Variants in TUBB1 observed in about 807,000 individuals in gnomAD.
TUBB1 encodes tubulin beta 1 class VI.
TUBB1 carries 28 observed loss-of-function variants against 22.6 expected under a neutral mutation model. That is an observed-to-expected ratio of 1.24 (90% CI 0.92 to 1.70). The LOEUF (loss-of-function observed/expected upper bound fraction) is 1.70, where lower values mean the gene tolerates loss of function less well. Ranked by LOEUF, TUBB1 falls within the 40% of genes most tolerant of loss-of-function variation. The pLI is 0.00. For synonymous variants in TUBB1, 226 were observed against 238.0 expected (o/e 0.95, Z 0.46); for missense variants, 577 against 605.5 (o/e 0.95, Z 0.49).
chr20:59,020,165 C>T (rs1182614029), intron 1 of TUBB1, among the ~76,000 whole-genome samples: 1 of 152,090 alleles, frequency 6.6e-6, no homozygotes, highest in Non-Finnish European at 1.5e-5. Context: ...AGGTGTAGGC[C>T]ACCGTGCCTG....
chr20:59,023,798 G>A lies in TUBB1; in HGVS notation c.371G>A (p.Ser124Asn), dbSNP rs2091979399. 1.9e-6 allele frequency: 3 copies of A among 1,614,106 alleles called. No homozygotes were observed. Among genetic ancestry groups the A allele is most frequent in the South Asian group, 1.1e-5 (1 of 91,090 alleles). Residue 124 changes from serine to asparagine, a missense_variant, in exon 4 of 4, where the codon AGT (serine) becomes AAT (asparagine). Ser to Asn is a conservative substitution (Grantham distance 46). Coordinates refer to ENST00000217133, the MANE Select transcript of TUBB1 (RefSeq NM_030773.4). ...GTCCTAGAGGTGGTGAGGCACGAGAGTGAGAGCTGTGACTGCCTGCAGGGC... is the reference window on the plus strand; with the variant it reads ...GTCCTAGAGGTGGTGAGGCACGAGAATGAGAGCTGTGACTGCCTGCAGGGC... ...ENVLEVVRHESESCDCLQGFQ... is the reference protein window; with the variant it reads ...ENVLEVVRHENESCDCLQGFQ...
Position 59,024,014 on chromosome 20 carries a change from C to G in TUBB1, c.587C>G (p.Ala196Gly), listed in dbSNP as rs371592365. 5 of 1,614,230 alleles carry G rather than the reference C, an allele frequency of 3.1e-6. No individual in the cohort carries two copies. The South Asian group carries it at 4.4e-5, about 14-fold the overall frequency. The change falls in exon 4 of 4, where the codon GCA (alanine) becomes GGA (glycine). Residue 196 changes from alanine to glycine, a missense_variant. Transcript: ENST00000217133. This position sits in a 1 kb window ranked among gnomAD's most constrained non-coding sequence, Gnocchi z 4.9. ...TCTATCCACCAGCTGATTGAGAATG[C>G]AGATGCCTGTTTCTGCATTGACAAT... ...VLSIHQLIENADACFCIDNEA... is the reference protein window; with the variant it reads ...VLSIHQLIENGDACFCIDNEA...
chr20:59,023,964 G>T lies in TUBB1; in HGVS notation c.537G>T (p.Val179=), dbSNP rs774133524. Residue 179 remains valine, a synonymous_variant, in exon 4 of 4, where the codon GTG becomes GTT. Coordinates refer to ENST00000217133, the MANE Select transcript of TUBB1 (RefSeq NM_030773.4). ...CTTCTCCCAAGGTGTCGGACACTGT[G>T]GTGGAGCCCTACAACGCGGTTCTGT... is the stretch of plus-strand genomic sequence containing the variant. ...VMPSPKVSDT[V]VEPYNAVLSI... The T allele has an allele frequency of 1.2e-6, 2 of 1,614,200 alleles. No individual in the cohort carries two copies. Among genetic ancestry groups the T allele is most frequent in the Non-Finnish European group, 1.7e-6 (2 of 1,180,022 alleles).
chr20:59,021,526 G>A (rs554204672), intron 1 of TUBB1, among the ~76,000 whole-genome samples: 1 of 152,256 alleles, frequency 6.6e-6, no homozygotes, highest in East Asian at 1.9e-4. Context: ...TTTAATATGT[G>A]CCTTTCAGGG....
chr20:59,023,953 T>C lies in TUBB1; in HGVS notation c.526T>C (p.Ser176Pro), dbSNP rs758446997. 19 of 1,614,168 alleles carry C rather than the reference T, an allele frequency of 1.2e-5. No individual in the cohort carries two copies. Among genetic ancestry groups the C allele is most frequent in the Non-Finnish European group, 1.6e-5 (19 of 1,180,022 alleles). The stretch of plus-strand genomic sequence containing the variant: ...CAGCGTCATGCCTTCTCCCAAGGTG[T>C]CGGACACTGTGGTGGAGCCCTACAA... ...SFSVMPSPKV[S>P]DTVVEPYNAV... Residue 176 changes from serine to proline, a missense_variant, in exon 4 of 4, where the codon TCG becomes CCG. Physicochemically the swap from Ser to Pro is moderately conservative, Grantham distance 74. Coordinates refer to ENST00000217133, the MANE Select transcript of TUBB1 (RefSeq NM_030773.4).
chr20:59,021,996 A>AAAAT (rs142257917), intron 1 of TUBB1, among the ~76,000 whole-genome samples: 1 of 149,876 alleles, frequency 6.7e-6, no homozygotes, highest in Non-Finnish European at 1.5e-5. Context: ...ACTCTGTCTC[A>AAAAT]AAATAAATAA....
chr20:59,022,127 G>C (rs1489437882), intron 1 of TUBB1, among the ~76,000 whole-genome samples: 1 of 152,160 alleles, frequency 6.6e-6, no homozygotes, highest in African/African-American at 2.4e-5. Context: ...ACAAGGTCAA[G>C]AGATAGAGAC....
At position 59,022,934 on chromosome 20, in the gene TUBB1, G is replaced by T. The variant is rs765313050; in HGVS notation, c.147G>T (p.Val49=). 1 of 1,613,932 alleles carries T rather than the reference G, an allele frequency of 6.2e-7. No individual in the cohort carries two copies. The highest frequency in any genetic ancestry group is 8.5e-7 in the Non-Finnish European group (1 of 1,180,012). The change falls in exon 2 of 4, where the codon GTG becomes GTT. Residue 49 remains valine (V), a synonymous_variant. Coordinates refer to ENST00000217133, the MANE Select transcript of TUBB1 (RefSeq NM_030773.4). ...ASALQLERIS[V]YYNEAYGRKY... ...CCTTGCAGCTGGAGAGAATCAGCGTGTACTACAACGAAGCCTACGGTAGGA... is the reference window on the plus strand; with the variant it reads ...CCTTGCAGCTGGAGAGAATCAGCGTTTACTACAACGAAGCCTACGGTAGGA...
rs551662187 is a variant in TUBB1 at position 59,023,715 on chromosome 20, G to A, written c.288G>A (p.Gly96=). ...TCTTTTTGGCCACAGGTAACTCTGG[G>A]GCTGGCAACAACTGGGCCAAAGGCC... ...QPDSFVHGNS[G]AGNNWAKGHY... Residue 96 remains glycine, a synonymous_variant, in exon 4 of 4, where the codon GGG becomes GGA. Coordinates refer to ENST00000217133, the MANE Select transcript of TUBB1 (RefSeq NM_030773.4). The A allele has an allele frequency of 2.5e-6, 4 of 1,614,174 alleles. No individual in the cohort carries two copies. In the South Asian group the frequency reaches 3.3e-5, roughly 13 times the overall value.
At chr20:59,019,203 C>T (rs1394574364), upstream of TUBB1, 2 of 428,962 alleles carry the variant, frequency 4.7e-6, no homozygotes, top group South Asian at 4.4e-5. Flanking sequence ...GCCTCCAGGC[C>T]CTGTGCCCCG....
rs1217592524 is a variant in TUBB1, at chr20:59,026,151, G to T, written c.*1368G>T. On this transcript the variant is annotated 3_prime_UTR_variant, in exon 4 of 4. Transcript: ENST00000217133. The stretch of plus-strand genomic sequence containing the variant: ...AGCAATAATAAAATAGCAGGTAGAT[G>T]GATGACAGTTGCTCATTCTGAGAAA... 6.6e-6 allele frequency: 1 copy of T among 152,196 alleles called. No individual in the cohort carries two copies. The highest frequency in any genetic ancestry group is 1.5e-5 in the Non-Finnish European group (1 of 68,046). 9.4% of individuals were successfully genotyped at this position (152,196 alleles called of 1,614,324 possible). A position where few individuals can be genotyped will look rare whatever the true frequency, so the allele number is the denominator to read the frequency against.
intron 1 of TUBB1, among the ~76,000 whole-genome samples, chr20:59,022,316 C>G (rs1384866425): frequency 9.6e-6 from 1 of 104,394 alleles, no homozygotes; most frequent in South Asian, 3.0e-4. Context: ...AAGACTCCAT[C>G]AAAAAAAAAA....
intron 1 of TUBB1, among the ~76,000 whole-genome samples, chr20:59,022,314 A>G (rs542042154): frequency 0.011 from 1,374 of 127,762 alleles, 14 homozygotes; most frequent in Middle Eastern, 0.034. Context: ...ATAAGACTCC[A>G]TCAAAAAAAA....
chr20:59,018,550 T>C (rs2091954291), upstream of TUBB1, among the ~76,000 whole-genome samples: 1 of 152,082 alleles, frequency 6.6e-6, no homozygotes, highest in African/African-American at 2.4e-5. Context: ...TGAGACTACA[T>C]GTGTGTGCCA....
rs1473929530 is a variant in TUBB1 at position 59,024,682 on chromosome 20, G to A, written c.1255G>A (p.Val419Ile). ...GEAENNIHDLVSEYQQFQDAK... is the reference protein window; with the variant it reads ...GEAENNIHDLISEYQQFQDAK... ...AGCTGAAAATAACATCCATGATTTG[G>A]TATCCGAGTACCAACAATTTCAAGA... Residue 419 changes from valine (V) to isoleucine (I), a missense_variant, in exon 4 of 4, where the codon GTA (valine) becomes ATA (isoleucine). Transcript: ENST00000217133. This position sits in a 1 kb window ranked among gnomAD's most constrained non-coding sequence, Gnocchi z 4.9. The A allele has an allele frequency of 2.5e-6, 4 of 1,614,142 alleles. No individual in the cohort carries two copies. The highest frequency in any genetic ancestry group is 3.4e-6 in the Non-Finnish European group (4 of 1,180,028).
Position 59,022,849 on chromosome 20 carries a change from G to A in TUBB1, c.62G>A (p.Trp21Ter). Residue 21 changes from tryptophan to a stop codon, truncating the protein, a stop_gained, in exon 2 of 4, where the codon TGG (tryptophan) becomes TAG (stop). Transcript: ENST00000217133. LOFTEE classifies it high-confidence loss of function. ...QCGNQIGAKF[W>*]EMIGEEHGID... is the part of the protein sequence containing the mutation. ...TGACCTTCCTCCTGCTTTCAGTTCT[G>A]GGAGATGATTGGTGAGGAACACGGG... is the stretch of plus-strand genomic sequence containing the variant. 1.2e-6 allele frequency: 2 copies of A among 1,614,062 alleles called. No homozygotes were observed. Among genetic ancestry groups the A allele is most frequent in the South Asian group, 1.1e-5 (1 of 91,066 alleles).
In TUBB1 at chr20:59,022,854, A is replaced by G. The variant is rs763305988; in HGVS notation, c.67A>G (p.Met23Val). ...TTCCTCCTGCTTTCAGTTCTGGGAG[A>G]TGATTGGTGAGGAACACGGGATCGA... ...GNQIGAKFWEMIGEEHGIDLA... is the reference protein window; with the variant it reads ...GNQIGAKFWEVIGEEHGIDLA... Residue 23 changes from methionine to valine, a missense_variant, in exon 2 of 4, where the codon ATG becomes GTG. Physicochemically the swap from Met to Val is conservative, Grantham distance 21 (BLOSUM62 1). Coordinates refer to ENST00000217133, the MANE Select transcript of TUBB1 (RefSeq NM_030773.4). 1 of 1,613,796 alleles carries G rather than the reference A, an allele frequency of 6.2e-7. No homozygotes were observed. Among genetic ancestry groups the G allele is most frequent in the African/African-American group, 1.3e-5 (1 of 74,816 alleles).
rs2091979858 is a variant in TUBB1, at chr20:59,023,871, C to T, written c.444C>T (p.Gly148=). The T allele has an allele frequency of 6.2e-7, 1 of 1,614,020 alleles. No homozygotes were observed. The highest frequency in any genetic ancestry group is 1.3e-5 in the African/African-American group (1 of 74,930). The change falls in exon 4 of 4, where the codon GGC becomes GGT. Residue 148 remains glycine, a synonymous_variant. Coordinates refer to ENST00000217133, the MANE Select transcript of TUBB1 (RefSeq NM_030773.4). ...SLGGGTGSGM[G]TLLMNKIREE... ...GCGGGGGCACAGGCTCCGGGATGGG[C>T]ACTCTGCTCATGAACAAGATTAGAG...
In TUBB1 at chr20:59,022,942, A is replaced by T. The variant is rs1316094452; in HGVS notation, c.155A>T (p.Asn52Ile). 1.2e-6 allele frequency: 2 copies of T among 1,613,894 alleles called. No individual in the cohort carries two copies. The highest frequency in any genetic ancestry group is 4.5e-5 in the East Asian group (2 of 44,868). The change falls in exon 2 of 4, where the codon AAC becomes ATC. Residue 52 changes from asparagine (N) to isoleucine (I), a missense_variant. Transcript: ENST00000217133. ...LQLERISVYYNEAYGRKYVPR... is the reference protein window; with the variant it reads ...LQLERISVYYIEAYGRKYVPR... The stretch of plus-strand genomic sequence containing the variant: ...CTGGAGAGAATCAGCGTGTACTACA[A>T]CGAAGCCTACGGTAGGACTGGCGGG...
Sources: gnomAD v4.1 joint callset for allele counts (sites outside exome capture counted in the v4.1 genomes callset) on GRCh38, gnomAD v4.1.1 for gene constraint, Gnocchi (gnomAD v3.1) non-coding constraint, MANE v1.5 for transcripts, NCBI Gene and HGNC (gene_info 2026-07-23, HGNC 2026-07-21) for gene names.